Variants in TAOK3 observed in about 807,000 individuals in gnomAD.
The protein encoded by TAOK3 is serine/threonine-protein kinase TAO3.
A neutral mutation model predicts 120.4 loss-of-function variants in TAOK3; 40 were observed. The observed-to-expected ratio is 0.33, with a 90% CI of 0.26 to 0.43. TAOK3 has a LOEUF of 0.43. TAOK3 is among the 20% of genes least tolerant of loss of function. TAOK3 has a pLI of 1.00. For synonymous variants in TAOK3, 355 were observed against 387.5 expected, an observed-to-expected ratio of 0.92 and a Z score of 0.99; for missense variants, 821 against 1,112.1, an observed-to-expected ratio of 0.74 and a Z score of 3.72.
At chr12:118,303,731 T>C (rs2042954320) in intron 1 of TAOK3, among the ~76,000 whole-genome samples, 1 of 152,168 alleles carries the variant, frequency 6.6e-6, no homozygotes, top group South Asian at 2.1e-4. Flanking sequence ...CACTGCAACC[T>C]CCACCTCCCG....
chr12:118,171,884 T>C (rs1488251024), intron 17 of TAOK3, among the ~76,000 whole-genome samples: 1 of 152,214 alleles, frequency 6.6e-6, no homozygotes, highest in Non-Finnish European at 1.5e-5. Context: ...CCTCTCATGA[T>C]TGTATGCCAA....
At chr12:118,172,879 T>C (rs976593307) in intron 16 of TAOK3, among the ~76,000 whole-genome samples, 1 of 152,222 alleles carries the variant, frequency 6.6e-6, no homozygotes, top group East Asian at 1.9e-4. Flanking sequence ...GGTTTCTCAC[T>C]AACAGAAATT....
At chr12:118,330,895 CTG>C (rs2044121663) in intron 1 of TAOK3, among the ~76,000 whole-genome samples, 1 of 152,078 alleles carries the variant, frequency 6.6e-6, no homozygotes. Context: ...CTGCCATAAA[CTG>C]TGTGAAAATG....
At chr12:118,347,464 G>T (rs1013983517) in intron 1 of TAOK3, among the ~76,000 whole-genome samples, 14 of 152,102 alleles carry the variant, frequency 9.2e-5, no homozygotes, top group African/African-American at 2.7e-4. Context: ...GGGAGGAGGG[G>T]GAGCTTTTCC....
intron 1 of TAOK3, among the ~76,000 whole-genome samples, chr12:118,337,279 G>C (rs1322107620): frequency 1.3e-5 from 2 of 152,176 alleles, no homozygotes; most frequent in African/African-American, 4.8e-5. Flanking sequence ...TGAGGATATG[G>C]AGAAACTGGA....
chr12:118,151,995 C>T lies in TAOK3; in HGVS notation c.2535+232G>A, dbSNP rs539009949. ...CTCTGGCTGGGAACGTTGAGGGTTT[C>T]CTAGCAGAGCAGAAGAAAGACTTAG... On this transcript the variant is annotated intron_variant, in intron 20 of 20. Transcript: ENST00000392533. Among the ~76,000 whole-genome samples the T allele has an allele frequency of 5.9e-5, 9 of 152,218 alleles. No individual in the cohort carries two copies. The South Asian group carries it at 1.7e-3, about 28-fold the overall frequency.
chr12:118,352,933 C>T (rs922945379), intron 1 of TAOK3, among the ~76,000 whole-genome samples: 4 of 152,166 alleles, frequency 2.6e-5, no homozygotes, highest in African/African-American at 9.7e-5. Flanking sequence ...TGGTCTCGAA[C>T]TCCTGACCTC....
In TAOK3 at chr12:118,164,252, G is replaced by A. The variant is rs1052486936; in HGVS notation, c.1900-2225C>T. ...TGAGGCAGGAGAATGGCGTGAACCC[G>A]GGAGGCGTAGCTTGCAGGGAGCCAA... On this transcript the variant is annotated intron_variant, in intron 17 of 20. Transcript: ENST00000392533. Among the ~76,000 whole-genome samples the A allele has an allele frequency of 9.3e-5, 14 of 150,654 alleles. No individual in the cohort carries two copies. The South Asian group carries it at 1.5e-3, about 16-fold the overall frequency.
At chr12:118,305,904 CAAAAAAAAA>C (rs71450271) in intron 1 of TAOK3, among the ~76,000 whole-genome samples, 1 of 58,384 alleles carries the variant, frequency 1.7e-5, no homozygotes, top group South Asian at 5.6e-4. Flanking sequence ...GACTCCGTCT[CAAAAAAAAA>C]AAAAAAAAAA....
chr12:118,233,257 T>TGGGGGGA (rs1461377431), intron 9 of TAOK3, among the ~76,000 whole-genome samples: 1 of 40,614 alleles, frequency 2.5e-5, no homozygotes, highest in Admixed American at 4.2e-4. Flanking sequence ...TGTTGTGGGG[T>TGGGGGGA]GGGGGGAGGG....
intron 1 of TAOK3, among the ~76,000 whole-genome samples, chr12:118,368,452 C>T (rs1369429694): frequency 4.0e-5 from 6 of 151,582 alleles, no homozygotes; most frequent in Admixed American, 3.9e-4. Context: ...CCCGCCTTGG[C>T]CTTCCAAAGT....
chr12:118,332,796 G>A (rs1483479507), intron 1 of TAOK3, among the ~76,000 whole-genome samples: 1 of 152,150 alleles, frequency 6.6e-6, no homozygotes, highest in Non-Finnish European at 1.5e-5. Context: ...TTGAAATCAT[G>A]TGAGACCTTA....
intron 16 of TAOK3, among the ~76,000 whole-genome samples, chr12:118,174,870 C>T (rs897479325): frequency 3.9e-5 from 6 of 152,100 alleles, no homozygotes; most frequent in African/African-American, 1.4e-4. Flanking sequence ...CCATGTTGGC[C>T]AGGCTGGTCT....
intron 14 of TAOK3, among the ~76,000 whole-genome samples, chr12:118,182,614 TATATATATA>T (rs1191881976): frequency 9.3e-5 from 8 of 86,262 alleles, no homozygotes; most frequent in Middle Eastern, 6.9e-3. Context: ...TATATATATA[TATATATATA>T]TTTTTTTTTT....
chr12:118,357,210 C>A (rs1033824079), intron 1 of TAOK3, among the ~76,000 whole-genome samples: 3 of 152,176 alleles, frequency 2.0e-5, no homozygotes, highest in African/African-American at 7.2e-5. Context: ...ATCTCAATTT[C>A]AAGCTAAACC....
chr12:118,339,038 T>C (rs572791841), intron 1 of TAOK3, among the ~76,000 whole-genome samples: 17 of 152,092 alleles, frequency 1.1e-4, no homozygotes, highest in Non-Finnish European at 1.9e-4. Flanking sequence ...TATAGTTCTT[T>C]ACTGAGAGAG....
At chr12:118,303,248 T>G (rs2042939509) in intron 1 of TAOK3, among the ~76,000 whole-genome samples, 1 of 152,232 alleles carries the variant, frequency 6.6e-6, no homozygotes, top group South Asian at 2.1e-4. Flanking sequence ...CTCCTCTGTT[T>G]TTTTGCTTCA....
intron 1 of TAOK3, among the ~76,000 whole-genome samples, chr12:118,348,597 C>A (rs2141196128): frequency 6.6e-6 from 1 of 151,628 alleles, no homozygotes; most frequent in Admixed American, 6.6e-5. Flanking sequence ...ACTACAGGTG[C>A]CCGCCACCAC....
chr12:118,328,001 A>T (rs1031294492), intron 1 of TAOK3, among the ~76,000 whole-genome samples: 1 of 152,002 alleles, frequency 6.6e-6, no homozygotes, highest in Non-Finnish European at 1.5e-5. Flanking sequence ...TAGTGTTTAT[A>T]TGCAGAACTA....
Sources: allele counts gnomAD v4.1 joint callset (sites outside exome capture counted in the v4.1 genomes callset), GRCh38; gene constraint gnomAD v4.1.1; transcripts MANE v1.5; gene names NCBI Gene and HGNC (gene_info 2026-07-23, HGNC 2026-07-21).